Variants in SLC5A4 observed in about 807,000 individuals in gnomAD.
SLC5A4 encodes probable glucose sensor protein SLC5A4.
A neutral mutation model predicts 70.3 loss-of-function variants in SLC5A4; 55 were observed. The ratio of observed to expected loss-of-function variants is 0.78; its 90% confidence interval spans 0.63 to 0.98. The LOEUF is 0.98. SLC5A4 is among the 50% of genes least tolerant of loss of function. The pLI, the probability that SLC5A4 is intolerant of heterozygous loss-of-function variation, is 0.00. For missense variants in SLC5A4, 735 were observed against 839.2 expected (o/e 0.88, Z 1.53); for synonymous variants, 268 against 305.7 (o/e 0.88, Z 1.29).
At chr22:32,275,580 G>T in the SLC5A4 span, among the ~76,000 whole-genome samples, 1 of 152,182 alleles carries the variant, frequency 6.6e-6, no homozygotes, top group Non-Finnish European at 1.5e-5. Context: ...GTATTCCATG[G>T]TGTATATGTG....
intron 5 of SLC5A4, among the ~76,000 whole-genome samples, chr22:32,239,582 T>TA (rs1491159994): frequency 6.2e-5 from 1 of 16,152 alleles, no homozygotes; most frequent in African/African-American, 4.8e-4. Context: ...ATATATATAT[T>TA]TATATATATA....
At chr22:32,241,722 GA>G (rs1177658594) in intron 5 of SLC5A4, among the ~76,000 whole-genome samples, 1 of 151,610 alleles carries the variant, frequency 6.6e-6, no homozygotes, top group African/African-American at 2.4e-5. Flanking sequence ...AAGCATTTCT[GA>G]AACCATTTTT....
chr22:32,292,029 C>T, the SLC5A4 span, among the ~76,000 whole-genome samples: 22 of 143,018 alleles, frequency 1.5e-4, no homozygotes, highest in South Asian at 4.4e-4. Flanking sequence ...TGCACCACTA[C>T]GCCCGGCTAT....
chr22:32,260,141 C>T (rs373543694), upstream of SLC5A4, among the ~76,000 whole-genome samples: 24 of 152,294 alleles, frequency 1.6e-4, no homozygotes, highest in East Asian at 1.9e-3. Flanking sequence ...CCTATACTTC[C>T]TCACAGGGTT....
the SLC5A4 span, among the ~76,000 whole-genome samples, chr22:32,297,724 T>C: frequency 1.6e-5 from 2 of 121,496 alleles, no homozygotes; most frequent in African/African-American, 6.1e-5. Flanking sequence ...CTTGCTTTTC[T>C]AGTTCTTTTA....
chr22:32,226,708 C>G (rs1333318385), intron 11 of SLC5A4, among the ~76,000 whole-genome samples: 2 of 152,112 alleles, frequency 1.3e-5, no homozygotes, highest in African/African-American at 4.8e-5. Flanking sequence ...GAAGACAAAT[C>G]ATGTGCTTTC....
At chr22:32,335,269 C>A in the SLC5A4 span, among the ~76,000 whole-genome samples, 1 of 150,740 alleles carries the variant, frequency 6.6e-6, no homozygotes, top group Admixed American at 6.6e-5. Context: ...GCCAGCTCAC[C>A]GGGAAGCAGA....
chr22:32,275,421 T>A, the SLC5A4 span, among the ~76,000 whole-genome samples: 1 of 152,120 alleles, frequency 6.6e-6, no homozygotes, highest in East Asian at 1.9e-4. Flanking sequence ...CCTGTGTCCA[T>A]GTGTTCTCAT....
chr22:32,321,057 G>A, the SLC5A4 span, among the ~76,000 whole-genome samples: 1 of 152,354 alleles, frequency 6.6e-6, no homozygotes, highest in Non-Finnish European at 1.5e-5. Context: ...GGAGGCCGAG[G>A]CAGGCGGATC....
chr22:32,330,453 G>T, the SLC5A4 span, among the ~76,000 whole-genome samples: 1 of 103,938 alleles, frequency 9.6e-6, no homozygotes, highest in African/African-American at 3.2e-5. Flanking sequence ...GGAGGCTCTG[G>T]GGTGTGTGTG....
the SLC5A4 span, among the ~76,000 whole-genome samples, chr22:32,329,992 C>G: frequency 2.4e-4 from 2 of 8,266 alleles, no homozygotes; most frequent in East Asian, 4.3e-3. Flanking sequence ...GTTGGGGGCT[C>G]TGGTGTGTGT....
chr22:32,288,036 G>C, the SLC5A4 span, among the ~76,000 whole-genome samples: 1 of 146,758 alleles, frequency 6.8e-6, no homozygotes, highest in South Asian at 2.1e-4. Context: ...TTTTTTTAGA[G>C]ATGAGGTTTC....
intron 11 of SLC5A4, 118 bp downstream of exon 11, chr22:32,229,076 T>C (rs1413733385): frequency 2.2e-6 from 2 of 911,548 alleles, no homozygotes; most frequent in Non-Finnish European, 3.3e-6. Flanking sequence ...CCAATGTCTC[T>C]TCCCTCTACC....
chr22:32,313,498 T>TAG, the SLC5A4 span, among the ~76,000 whole-genome samples: 15 of 152,152 alleles, frequency 9.9e-5, no homozygotes, highest in African/African-American at 3.1e-4. Flanking sequence ...TACAAAGCTA[T>TAG]AGAGAAGATA....
At chr22:32,347,153 A>C in the SLC5A4 span, among the ~76,000 whole-genome samples, 4 of 152,240 alleles carry the variant, frequency 2.6e-5, no homozygotes, top group Admixed American at 2.6e-4. Flanking sequence ...AATCACAATG[A>C]GATACCATCT....
chr22:32,305,688 T>G, the SLC5A4 span, among the ~76,000 whole-genome samples: 1 of 130,128 alleles, frequency 7.7e-6, no homozygotes, highest in East Asian at 2.2e-4. Flanking sequence ...ACGGTCCCAG[T>G]GTGAGGGACG....
upstream of SLC5A4, among the ~76,000 whole-genome samples, chr22:32,257,971 A>C (rs1446909588): frequency 6.6e-6 from 1 of 150,848 alleles, no homozygotes; most frequent in Admixed American, 6.6e-5. Context: ...CGCCCAGCTA[A>C]GGTTTTCTTT....
At chr22:32,281,426 G>C in the SLC5A4 span, among the ~76,000 whole-genome samples, 1 of 152,190 alleles carries the variant, frequency 6.6e-6, no homozygotes, top group African/African-American at 2.4e-5. Flanking sequence ...ATCAAAGCCC[G>C]GGCTTCACCA....
the SLC5A4 span, among the ~76,000 whole-genome samples, chr22:32,324,718 A>G: frequency 6.6e-6 from 1 of 152,116 alleles, no homozygotes. Flanking sequence ...TGCCCCTCAC[A>G]AGCTGTGTGA....
Sources: allele counts gnomAD v4.1 joint callset (sites outside exome capture counted in the v4.1 genomes callset), GRCh38; gene constraint gnomAD v4.1.1; transcripts MANE v1.5; gene names NCBI Gene and HGNC (gene_info 2026-07-23, HGNC 2026-07-21).